The following HTR5A variants were observed in gnomAD, a reference collection of about 807,000 sequenced individuals.
HTR5A encodes 5-hydroxytryptamine receptor 5A.
A neutral mutation model predicts 24.3 loss-of-function variants in HTR5A; 21 were observed. That is an observed-to-expected ratio of 0.86 (90% CI 0.61 to 1.24). The LOEUF is 1.24. HTR5A is among the 50% of genes most tolerant of loss of function. The probability of loss-of-function intolerance (pLI) is 0.00; values close to 1 mark genes in which losing one functional copy is unlikely to be tolerated. For missense variants in HTR5A, 497 were observed against 489.5 expected, an observed-to-expected ratio of 1.02 and a Z score of -0.15; for synonymous variants, 260 against 213.7, an observed-to-expected ratio of 1.22 and a Z score of -1.89.
intron 1 of HTR5A, among the ~76,000 whole-genome samples, chr7:155,073,350 G>T (rs981197934): frequency 4.2e-5 from 6 of 143,168 alleles, no homozygotes; most frequent in African/African-American, 1.5e-4. Context: ...ATTGAGGATG[G>T]GGTGTTAATG....
chr7:155,083,574 C>T (rs947050958), intron 1 of HTR5A, among the ~76,000 whole-genome samples: 1 of 152,162 alleles, frequency 6.6e-6, no homozygotes, highest in Non-Finnish European at 1.5e-5. Flanking sequence ...AGACTAGGGT[C>T]TCAGTTTTAC....
intron 1 of HTR5A, among the ~76,000 whole-genome samples, chr7:155,075,895 T>A (rs1377077864): frequency 6.6e-6 from 1 of 152,232 alleles, no homozygotes; most frequent in Non-Finnish European, 1.5e-5. Context: ...GGGGTCATTA[T>A]CTTCAGGAGC....
chr7:155,082,297 T>G (rs112578590), intron 1 of HTR5A, among the ~76,000 whole-genome samples: 1 of 150,328 alleles, frequency 6.7e-6, no homozygotes, highest in Admixed American at 6.6e-5. Flanking sequence ...TTACCAGTGT[T>G]ACCAGCATCC....
At chr7:155,080,502 C>T (rs1795403990) in intron 1 of HTR5A, among the ~76,000 whole-genome samples, 1 of 152,156 alleles carries the variant, frequency 6.6e-6, no homozygotes, top group South Asian at 2.1e-4. Context: ...ACTTGTGGCC[C>T]AAGGATCCCA....
intron 1 of HTR5A, among the ~76,000 whole-genome samples, chr7:155,073,916 T>TATATATATAC (rs1563419752): frequency 7.6e-6 from 1 of 131,678 alleles, no homozygotes; most frequent in African/African-American, 2.8e-5. Flanking sequence ...TATATATATA[T>TATATATATAC]GTATATATAT....
In HTR5A at chr7:155,086,791, T is replaced by C. The variant is rs1323048347; in HGVS notation, c.*2304T>C. ...GAGTCTCTACTATGCAAATCAAATA[T>C]TTGTGAAACACTCTCATTTATGCTT... On this transcript the variant is annotated 3_prime_UTR_variant, in exon 2 of 2. Transcript: ENST00000287907. Among the ~76,000 whole-genome samples the C allele has an allele frequency of 1.3e-5, 2 of 152,238 alleles. No homozygotes were observed. The highest frequency in any genetic ancestry group is 1.9e-4 in the East Asian group (1 of 5,200).
chr7:155,085,305 C>T lies in HTR5A; in HGVS notation c.*818C>T, dbSNP rs538787802. ...GTTTATTTGCTACTGGTTTCACGCG[C>T]GTGGACTATATTCCAGTGTTTCTAG... On this transcript the variant is annotated 3_prime_UTR_variant, in exon 2 of 2. Coordinates refer to ENST00000287907, the MANE Select transcript of HTR5A (RefSeq NM_024012.4). 5.3e-5 allele frequency: 8 copies of T among 152,316 alleles called. No individual in the cohort carries two copies. The South Asian group carries it at 1.4e-3, about 28-fold the overall frequency. The allele number at this position is 152,316 out of a possible 1,614,324, so 9.4% of individuals were successfully genotyped here. A position where few individuals can be genotyped will look rare whatever the true frequency, so the allele number is the denominator to read the frequency against.
rs1197635120 is a variant in HTR5A at position 155,070,847 on chromosome 7, TC to T, written c.-51del. The T allele has an allele frequency of 1.3e-6, 2 of 1,539,760 alleles. No individual in the cohort carries two copies. Among genetic ancestry groups the T allele is most frequent in the African/African-American group, 1.4e-5 (1 of 73,544 alleles). On this transcript the variant is annotated 5_prime_UTR_variant, in exon 1 of 2. It removes the in-frame stop codon of an upstream open reading frame in the 5' UTR. Transcript: ENST00000287907. ...CTCTGGGCACAGTGGCCGCCTTAAG[TC>T]CTCCTGAACACCCCTTCTGCAAGTA...
intron 1 of HTR5A, among the ~76,000 whole-genome samples, chr7:155,072,949 C>T (rs35094950): frequency 0.23 from 34,757 of 152,086 alleles, 4,963 homozygotes; most frequent in South Asian, 0.31. Flanking sequence ...TGTTCTTTTA[C>T]CTATATCAGC....
rs945498971 is a variant in HTR5A at position 155,070,980 on chromosome 7, C to A, written c.81C>A (p.Asp27Glu). 6.2e-7 allele frequency: 1 copy of A among 1,611,638 alleles called. No homozygotes were observed. Among genetic ancestry groups the A allele is most frequent in the South Asian group, 1.1e-5 (1 of 91,086 alleles). The stretch of plus-strand genomic sequence containing the variant: ...AGACCAACCACAGCCTCGGCAAAGA[C>A]GACCTGCGCCCCAGCTCGCCCCTGC... ...PLETNHSLGKDDLRPSSPLLS... is the reference protein window; with the variant it reads ...PLETNHSLGKEDLRPSSPLLS... Residue 27 changes from aspartate (D) to glutamate (E), a missense_variant, in exon 1 of 2, where the codon GAC becomes GAA. By Grantham distance (45) the Asp-to-Glu change is conservative. Coordinates refer to ENST00000287907, the MANE Select transcript of HTR5A (RefSeq NM_024012.4).
chr7:155,082,758 G>A (rs1038217304), intron 1 of HTR5A, among the ~76,000 whole-genome samples: 6 of 152,248 alleles, frequency 3.9e-5, no homozygotes, highest in Middle Eastern at 3.4e-3. Flanking sequence ...GCTAAATATG[G>A]TTTGGATTTC....
chr7:155,074,442 C>A (rs1266389570), intron 1 of HTR5A, among the ~76,000 whole-genome samples: 1 of 152,148 alleles, frequency 6.6e-6, no homozygotes, highest in Admixed American at 6.5e-5. Flanking sequence ...AGGTATGGAG[C>A]CTCACGGATT....
chr7:155,073,889 GTATATATATA>G (rs1169692099), intron 1 of HTR5A, among the ~76,000 whole-genome samples: 1 of 9,678 alleles, frequency 1.0e-4, no homozygotes, highest in African/African-American at 1.5e-4. Context: ...ATATATATAT[GTATATATATA>G]TATATATATA....
At chr7:155,079,288 C>T (rs755256357) in intron 1 of HTR5A, among the ~76,000 whole-genome samples, 3 of 152,132 alleles carry the variant, frequency 2.0e-5, no homozygotes, top group African/African-American at 2.4e-5. Context: ...TAGCTTTAGA[C>T]AAAGGTTTTA....
intron 1 of HTR5A, among the ~76,000 whole-genome samples, chr7:155,079,378 T>G (rs1795392004): frequency 6.6e-6 from 1 of 152,218 alleles, no homozygotes; most frequent in African/African-American, 2.4e-5. Context: ...CCTGGTTCAT[T>G]TAGGAAGTCA....
rs1795481232 is a variant in HTR5A, at chr7:155,086,717, G to A, written c.*2230G>A. On this transcript the variant is annotated 3_prime_UTR_variant, in exon 2 of 2. Coordinates refer to ENST00000287907, the MANE Select transcript of HTR5A (RefSeq NM_024012.4). ...GAATTATTTTGCTTCCATTTCAATA[G>A]TAAAAGTTGTTTATACCCTGGTAAG... is the stretch of plus-strand genomic sequence containing the variant. Among the ~76,000 whole-genome samples the A allele has an allele frequency of 6.6e-6, 1 of 152,178 alleles. No homozygotes were observed. Among genetic ancestry groups the A allele is most frequent in the South Asian group, 2.1e-4 (1 of 4,834 alleles).
At chr7:155,074,910 T>C (rs931957909) in intron 1 of HTR5A, among the ~76,000 whole-genome samples, 6 of 152,190 alleles carry the variant, frequency 3.9e-5, no homozygotes, top group Non-Finnish European at 4.4e-5. Context: ...TGACACCATT[T>C]GCCAAACAGT....
Position 155,071,228 on chromosome 7 carries a change from G to A in HTR5A, c.329G>A (p.Gly110Asp), listed in dbSNP as rs766660168. ...HELSGRRWQL[G>D]RRLCQLWIAC... ...CTGTCCGGGCGCCGCTGGCAGCTAG[G>A]TCGGAGGCTGTGCCAGCTTTGGATC... is the stretch of plus-strand genomic sequence containing the variant. The change falls in exon 1 of 2, where the codon GGT becomes GAT. Residue 110 changes from glycine to aspartate, a missense_variant. By Grantham distance (94) the Gly-to-Asp change is moderately conservative. Coordinates refer to ENST00000287907, the MANE Select transcript of HTR5A (RefSeq NM_024012.4). 3 of 1,603,898 alleles carry A rather than the reference G, an allele frequency of 1.9e-6. No individual in the cohort carries two copies. Among genetic ancestry groups the A allele is most frequent in the Admixed American group, 3.3e-5 (2 of 60,014 alleles).
At chr7:155,076,241 C>T (rs1795357624) in intron 1 of HTR5A, among the ~76,000 whole-genome samples, 1 of 152,164 alleles carries the variant, frequency 6.6e-6, no homozygotes, top group African/African-American at 2.4e-5. Context: ...TGGAGGACCT[C>T]AGTTTAGAAT....
Sources: gnomAD v4.1 joint callset for allele counts (sites outside exome capture counted in the v4.1 genomes callset) on GRCh38, gnomAD v4.1.1 for gene constraint, MANE v1.5 for transcripts, NCBI Gene and HGNC (gene_info 2026-07-23, HGNC 2026-07-21) for gene names.